The following KIF1B variants were observed in gnomAD, a reference collection of about 807,000 sequenced individuals.
The protein encoded by KIF1B is kinesin family member 1B, also known as kinesin-like protein KIF1B.
In KIF1B, 76 loss-of-function variants were observed where a neutral mutation model predicts 241.9. The ratio of observed to expected loss-of-function variants is 0.31; its 90% CI spans 0.26 to 0.38. The LOEUF (loss-of-function observed/expected upper bound fraction) is 0.38. Ranked by LOEUF, KIF1B falls within the 10% of genes least tolerant of loss-of-function variation. The probability of loss-of-function intolerance (pLI) is 1.00; values close to 1 mark genes in which losing one functional copy is unlikely to be tolerated. For missense variants in KIF1B, 1,622 were observed against 2,271.4 expected, an observed-to-expected ratio of 0.71 and a Z score of 5.81; for synonymous variants, 750 against 796.7, an observed-to-expected ratio of 0.94 and a Z score of 0.99.
rs536735151 is a variant in KIF1B, at chr1:10,314,143, A to G, written c.2116-5900A>G. On this transcript the variant is annotated intron_variant, in intron 22 of 48. Coordinates refer to ENST00000676179, the MANE Select transcript of KIF1B (RefSeq NM_001365951.3). ...CTAACTCACCCGCCTCGGCCTCCCAAAGTGCTGGGATTGCAGGCATGAGCC... is the reference window on the plus strand; with the variant it reads ...CTAACTCACCCGCCTCGGCCTCCCAGAGTGCTGGGATTGCAGGCATGAGCC... Among the ~76,000 whole-genome samples, 4 of 151,254 alleles carry G rather than the reference A, an allele frequency of 2.6e-5. No individual in the cohort carries two copies. The South Asian group carries it at 8.3e-4, about 31-fold the overall frequency.
At chr1:10,331,828 A>G (rs17410793) in intron 27 of KIF1B, among the ~76,000 whole-genome samples, 36,602 of 152,182 alleles carry the variant, frequency 0.24, 5,126 homozygotes, top group Admixed American at 0.31. Context: ...CACTAATTGG[A>G]ATGAACACTC....
At chr1:10,293,086 C>CTTTTTT (rs33954582) in intron 17 of KIF1B, among the ~76,000 whole-genome samples, 1 of 144,990 alleles carries the variant, frequency 6.9e-6, no homozygotes, top group Non-Finnish European at 1.5e-5. Flanking sequence ...GGCCACATAA[C>CTTTTTT]TTTTTTTTTT....
At chr1:10,356,317 A>G (rs2102338839) in intron 38 of KIF1B, among the ~76,000 whole-genome samples, 1 of 152,226 alleles carries the variant, frequency 6.6e-6, no homozygotes, top group East Asian at 1.9e-4. Flanking sequence ...GTGAGCCGAG[A>G]TCGCGCCACT....
In KIF1B at chr1:10,256,299, C is replaced by A; in HGVS notation, c.159C>A (p.Asp53Glu). The change falls in exon 3 of 49, where the codon GAC (aspartate) becomes GAA (glutamate). Residue 53 changes from aspartate to glutamate, a missense_variant. Transcript: ENST00000676179. ...PKEAPKSFSF[D>E]YSYWSHTSPE... ...AAGCTCCAAAGTCCTTCAGCTTCGA[C>A]TATTCCTACTGGTCTCATACCTCAG... 1 of 1,611,368 alleles carries A rather than the reference C, an allele frequency of 6.2e-7. No individual in the cohort carries two copies. Among genetic ancestry groups the A allele is most frequent in the Non-Finnish European group, 8.5e-7 (1 of 1,177,444 alleles).
chr1:10,378,701 C>G lies in KIF1B; in HGVS notation c.*2114C>G, dbSNP rs574859747. 362 of 424,318 alleles carry G rather than the reference C, an allele frequency of 8.5e-4. 1 individual carries two copies. Among genetic ancestry groups the G allele is most frequent in the Admixed American group, 1.6e-3 (42 of 25,844 alleles). 26.3% of individuals were successfully genotyped at this position (424,318 alleles called of 1,614,324 possible). A position where few individuals can be genotyped will look rare whatever the true frequency, so the allele number is the denominator to read the frequency against. On this transcript the variant is annotated 3_prime_UTR_variant, in exon 49 of 49. Coordinates refer to ENST00000676179, the MANE Select transcript of KIF1B (RefSeq NM_001365951.3). ...GGAGACTTGTGTCATCATCCACAAC[C>G]TTGTTTCTCACTTCCTGGTTGGGCT...
Position 10,303,960 on chromosome 1 carries a change from G to A in KIF1B, c.2115+6714G>A, listed in dbSNP as rs1412726086. On this transcript the variant is annotated intron_variant, in intron 22 of 48. Coordinates refer to ENST00000676179, the MANE Select transcript of KIF1B (RefSeq NM_001365951.3). This position sits in a 1 kb window ranked among gnomAD's most constrained non-coding sequence, Gnocchi z 5.2. ...GACGTCTGCGCTGGATGAGGCAAGA[G>A]CAAATTCGGTTTAAGAACTTGCAAC... 1 of 1,613,964 alleles carries A rather than the reference G, an allele frequency of 6.2e-7. No homozygotes were observed. Among genetic ancestry groups the A allele is most frequent in the Non-Finnish European group, 8.5e-7 (1 of 1,180,010 alleles).
At chr1:10,215,157 TATATATATA>T (rs1557640100) in intron 1 of KIF1B, among the ~76,000 whole-genome samples, 3 of 68,420 alleles carry the variant, frequency 4.4e-5, no homozygotes, top group African/African-American at 3.0e-4. Flanking sequence ...TATATATATA[TATATATATA>T]TATATATTTT....
In KIF1B at chr1:10,361,769, A is replaced by G. The variant is rs751391146; in HGVS notation, c.4248A>G (p.Ser1416=). The stretch of plus-strand genomic sequence containing the variant: ...TCTACTCCCGAGATGCCAAGATCTC[A>G]CCACCACGCTCTCTGCGTAGCCTCT... ...MVFYSRDAKI[S]PPRSLRSLFG... Residue 1416 remains serine (S), a synonymous_variant, in exon 40 of 49, where the codon TCA becomes TCG. Coordinates refer to ENST00000676179, the MANE Select transcript of KIF1B (RefSeq NM_001365951.3). The G allele has an allele frequency of 6.2e-7, 1 of 1,614,148 alleles. No homozygotes were observed. The highest frequency in any genetic ancestry group is 1.7e-5 in the Admixed American group (1 of 60,010).
rs938999422 is a variant in KIF1B, at chr1:10,271,595, A to G, written c.798+16A>G. 8.3e-6 allele frequency: 13 copies of G among 1,573,780 alleles called. 1 individual carries two copies. The East Asian group carries it at 1.1e-4, about 14-fold the overall frequency. ...TCGATTAAAGGTATTTATTTTAGCA[A>G]ATAAATGGCCTGATCAATAAATGGC... On this transcript the variant is annotated intron_variant, in intron 8 of 48. Coordinates refer to ENST00000676179, the MANE Select transcript of KIF1B (RefSeq NM_001365951.3).
rs538135467 is a variant in KIF1B, at chr1:10,232,387, C to G, written c.59C>G (p.Thr20Ser). Residue 20 changes from threonine (T) to serine (S), a missense_variant, in exon 2 of 49, where the codon ACC becomes AGC. Transcript: ENST00000676179. ...VRVRPFNSRETSKESKCIIQM... is the reference protein window; with the variant it reads ...VRVRPFNSRESSKESKCIIQM... ...GTAAGGCCCTTCAATTCTCGAGAGA[C>G]CAGCAAGGAATCCAAATGCATCATT... 1.2e-6 allele frequency: 2 copies of G among 1,614,040 alleles called. No individual in the cohort carries two copies. Among genetic ancestry groups the G allele is most frequent in the South Asian group, 2.2e-5 (2 of 91,066 alleles).
intron 7 of KIF1B, among the ~76,000 whole-genome samples, chr1:10,270,105 G>A (rs553802271): frequency 7.2e-5 from 11 of 152,168 alleles, no homozygotes; most frequent in African/African-American, 2.6e-4. Flanking sequence ...TACAGTAAAT[G>A]GCACATATTT....
chr1:10,360,914 T>C lies in KIF1B; in HGVS notation c.4056-15T>C. The C allele has an allele frequency of 6.4e-7, 1 of 1,567,354 alleles. No homozygotes were observed. Among genetic ancestry groups the C allele is most frequent in the South Asian group, 1.1e-5 (1 of 90,102 alleles). ...GCTTCTTTTGGATGATTCCCTCTTG[T>C]CTTTCTGACCTTAGGACCTTCTACC... On this transcript the variant is annotated splice_polypyrimidine_tract_variant and intron_variant, in intron 38 of 48. Transcript: ENST00000676179.
At position 10,267,476 on chromosome 1, in the gene KIF1B, C is replaced by T. The variant is rs781211572; in HGVS notation, c.526C>T (p.Pro176Ser). 1 of 1,614,024 alleles carries T rather than the reference C, an allele frequency of 6.2e-7. No homozygotes were observed. Among genetic ancestry groups the T allele is most frequent in the East Asian group, 2.2e-5 (1 of 44,896 alleles). The change falls in exon 6 of 49, where the codon CCC becomes TCC. Residue 176 changes from proline (P) to serine (S), a missense_variant. Physicochemically the swap from Pro to Ser is moderately conservative, Grantham distance 74. Coordinates refer to ENST00000676179, the MANE Select transcript of KIF1B (RefSeq NM_001365951.3). ...LRVREHPLLG[P>S]YVEDLSKLAV... ...TGTGCGTGAACACCCACTTCTTGGA[C>T]CCTATGTGGAGGATCTGTCCAAGTT... is the stretch of plus-strand genomic sequence containing the variant.
At position 10,377,061 on chromosome 1, in the gene KIF1B, T is replaced by C; in HGVS notation, c.*474T>C. 3 of 252,266 alleles carry C rather than the reference T, an allele frequency of 1.2e-5. No individual in the cohort carries two copies. The highest frequency in any genetic ancestry group is 1.3e-3 in the Middle Eastern group (1 of 794). The allele number at this position is 252,266 out of a possible 1,614,324, so 15.6% of individuals were successfully genotyped here. ...CTTTTCTCTGTTTGTGATATCACTT[T>C]AATTTTTCTTGGGTGGCTTAGAGAC... On this transcript the variant is annotated 3_prime_UTR_variant, in exon 49 of 49. Transcript: ENST00000676179.
chr1:10,247,416 G>A (rs1358296951), intron 2 of KIF1B, among the ~76,000 whole-genome samples: 1 of 152,036 alleles, frequency 6.6e-6, no homozygotes, highest in Non-Finnish European at 1.5e-5. Flanking sequence ...CTCCTAACCC[G>A]GCTTTATTTT....
chr1:10,290,989 C>A, intron 15 of KIF1B, 93 bp from the exon 16 acceptor site: 1 of 924,336 alleles, frequency 1.1e-6, no homozygotes, highest in Non-Finnish European at 1.8e-6. Flanking sequence ...TGGCCTGTAT[C>A]CTCAAAGGGC....
intron 48 of KIF1B, among the ~76,000 whole-genome samples, chr1:10,375,687 G>A (rs1436327481): frequency 6.7e-6 from 1 of 150,094 alleles, no homozygotes; most frequent in Admixed American, 6.6e-5. Flanking sequence ...ACCCAGCCTA[G>A]AAGTTGTTCT....
chr1:10,358,683 C>CAGAA (rs1553169859), intron 38 of KIF1B, among the ~76,000 whole-genome samples: 3 of 79,302 alleles, frequency 3.8e-5, no homozygotes, highest in Admixed American at 1.5e-4. Context: ...GACTCTGTCT[C>CAGAA]AAAAAAAAAA....
chr1:10,283,076 G>A (rs1338573555), intron 15 of KIF1B, among the ~76,000 whole-genome samples: 3 of 151,712 alleles, frequency 2.0e-5, no homozygotes, highest in African/African-American at 4.8e-5. Context: ...GCGTGGTGGC[G>A]GGCACCTGTA....
Sources: allele counts gnomAD v4.1 joint callset (sites outside exome capture counted in the v4.1 genomes callset), GRCh38; gene constraint gnomAD v4.1.1; non-coding constraint Gnocchi (gnomAD v3.1); transcripts MANE v1.5; gene names NCBI Gene and HGNC (gene_info 2026-07-23, HGNC 2026-07-21).